The following ANKRD10 variants were observed in gnomAD, a reference collection of about 807,000 sequenced individuals.
The protein encoded by ANKRD10 is ankyrin repeat domain 10.
Under a neutral mutation model 27.0 loss-of-function variants are expected in ANKRD10, and 14 were observed. The observed-to-expected ratio is 0.52, with a 90% CI of 0.34 to 0.81. The LOEUF (loss-of-function observed/expected upper bound fraction) is 0.81. ANKRD10 is among the 40% of genes least tolerant of loss of function. The pLI is 0.01. For missense variants in ANKRD10, 493 were observed against 544.0 expected, an observed-to-expected ratio of 0.91 and a Z score of 0.93; for synonymous variants, 250 against 224.5, an observed-to-expected ratio of 1.11 and a Z score of -1.01.
At chr13:110,910,469 AAAC>A in intron 2 of ANKRD10, 146 bp downstream of exon 2, 2 of 1,088,336 alleles carry the variant, frequency 1.8e-6, no homozygotes, top group South Asian at 3.0e-5. Context: ...TATCCTCCAC[AAAC>A]AACTGAAGAA....
chr13:110,881,476 T>C (rs1443033081), intron 5 of ANKRD10, among the ~76,000 whole-genome samples: 3 of 151,970 alleles, frequency 2.0e-5, no homozygotes, highest in Non-Finnish European at 4.4e-5. Context: ...TTTTTTTTTA[T>C]ATTTAAGCAA....
rs746585551 is a variant in ANKRD10, at chr13:110,880,026, G to A, written c.874C>T (p.Leu292Phe). Residue 292 changes from leucine (L) to phenylalanine (F), a missense_variant, in exon 6 of 6, where the codon CTC (leucine) becomes TTC (phenylalanine). Physicochemically the swap from Leu to Phe is conservative, Grantham distance 22. Coordinates refer to ENST00000267339, the MANE Select transcript of ANKRD10 (RefSeq NM_017664.4). ...GHLDFPSTTP[L>F]SGMESRNGQC... ...CCATTCCTGCTTTCCATCCCACTGA[G>A]CGGGGTCGTGGAGGGGAAGTCCAAA... The A allele has an allele frequency of 2.4e-5, 39 of 1,614,202 alleles. No homozygotes were observed. The highest frequency in any genetic ancestry group is 3.3e-5 in the Non-Finnish European group (39 of 1,180,040).
intron 4 of ANKRD10, among the ~76,000 whole-genome samples, chr13:110,885,791 G>A (rs2064914329): frequency 6.6e-6 from 1 of 152,176 alleles, no homozygotes; most frequent in African/African-American, 2.4e-5. Context: ...ATACAATGCA[G>A]ACAGCTTAAA....
At chr13:110,914,392 T>C in intron 1 of ANKRD10, 1 of 189,834 alleles carries the variant, frequency 5.3e-6, no homozygotes, top group Non-Finnish European at 1.1e-5. Context: ...GCGCGCGCGC[T>C]CGCACAGGAT....
At chr13:110,911,024 A>G (rs552224838) in intron 1 of ANKRD10, among the ~76,000 whole-genome samples, 113 of 152,324 alleles carry the variant, frequency 7.4e-4, no homozygotes, top group Non-Finnish European at 1.2e-3. Flanking sequence ...ACAGATTTAA[A>G]TATTTGTTTC....
intron 3 of ANKRD10, among the ~76,000 whole-genome samples, chr13:110,896,630 A>G (rs1283878797): frequency 6.6e-6 from 1 of 152,240 alleles, no homozygotes; most frequent in Non-Finnish European, 1.5e-5. Flanking sequence ...TCTAAAAAGG[A>G]CTATGTAGTA....
In ANKRD10 at chr13:110,910,775, G is replaced by A. The variant is rs567653926; in HGVS notation, c.211-5C>T. ...CAACTGCACTAAGCACTCCAACTTC[G>A]AAAACAAGAGGGGTAATGAAAACAC... On this transcript the variant is annotated splice_polypyrimidine_tract_variant and splice_region_variant and intron_variant, in intron 1 of 5. Coordinates refer to ENST00000267339, the MANE Select transcript of ANKRD10 (RefSeq NM_017664.4). The A allele has an allele frequency of 9.9e-6, 16 of 1,611,904 alleles. No homozygotes were observed. The South Asian group carries it at 1.7e-4, about 17-fold the overall frequency.
At chr13:110,907,647 C>G (rs1356062358) in intron 2 of ANKRD10, among the ~76,000 whole-genome samples, 1 of 152,132 alleles carries the variant, frequency 6.6e-6, no homozygotes, top group Non-Finnish European at 1.5e-5. Flanking sequence ...AAGTTCTAAA[C>G]AGAAAAATCC....
chr13:110,902,122 A>G (rs776945174), intron 3 of ANKRD10, among the ~76,000 whole-genome samples: 1 of 151,920 alleles, frequency 6.6e-6, no homozygotes, highest in Non-Finnish European at 1.5e-5. Context: ...AGGACCTAAA[A>G]TCAGAAAATA....
chr13:110,910,732 T>A lies in ANKRD10; in HGVS notation c.249A>T (p.Thr83=). ...CGTACCGTGTGGTGGAGACGTTGAGTGTGGCTCCCGCTCTCACCAACTGCA... is the reference window on the plus strand; with the variant it reads ...CGTACCGTGTGGTGGAGACGTTGAGAGTGGCTCCCGCTCTCACCAACTGCA... ...CLVQLVRAGA[T]LNVSTTRYAQ... Residue 83 remains threonine, a synonymous_variant, in exon 2 of 6, where the codon ACA becomes ACT. Coordinates refer to ENST00000267339, the MANE Select transcript of ANKRD10 (RefSeq NM_017664.4). 1 of 1,614,118 alleles carries A rather than the reference T, an allele frequency of 6.2e-7. No homozygotes were observed. Among genetic ancestry groups the A allele is most frequent in the Non-Finnish European group, 8.5e-7 (1 of 1,180,002 alleles).
chr13:110,882,432 A>G (rs912686166), intron 5 of ANKRD10, among the ~76,000 whole-genome samples: 3 of 152,220 alleles, frequency 2.0e-5, no homozygotes, highest in African/African-American at 7.2e-5. Flanking sequence ...AGTGTCATAA[A>G]TCAAATGATG....
At position 110,896,122 on chromosome 13, in the gene ANKRD10, T is replaced by C. The variant is rs183840866; in HGVS notation, c.456-2859A>G. ...TTGGGGCACTAGAAGGCAGACATGA[T>C]GGGGAGGTGAAAAAGTTCTAGAAAT... is the stretch of plus-strand genomic sequence containing the variant. On this transcript the variant is annotated intron_variant, in intron 3 of 5. Coordinates refer to ENST00000267339, the MANE Select transcript of ANKRD10 (RefSeq NM_017664.4). Among the ~76,000 whole-genome samples, 15 of 152,296 alleles carry C rather than the reference T, an allele frequency of 9.8e-5. No individual in the cohort carries two copies. In the East Asian group the frequency reaches 1.9e-3, roughly 20 times the overall value.
Position 110,914,763 on chromosome 13 carries a change from C to T in ANKRD10, c.172G>A (p.Gly58Ser), listed in dbSNP as rs748857847. 1 of 1,598,608 alleles carries T rather than the reference C, an allele frequency of 6.3e-7. No individual in the cohort carries two copies. The highest frequency in any genetic ancestry group is 1.3e-5 in the African/African-American group (1 of 74,602). The change falls in exon 1 of 6, where the codon GGC becomes AGC. Residue 58 changes from glycine (G) to serine (S), a missense_variant. Coordinates refer to ENST00000267339, the MANE Select transcript of ANKRD10 (RefSeq NM_017664.4). ...GCGGCCCAGTGCACGGGCGTCCAGC[C>T]ATAGAAGGAGTCCTCAGAGGCCAGG... ...AHLASEDSFY[G>S]WTPVHWAAHF...
intron 2 of ANKRD10, among the ~76,000 whole-genome samples, chr13:110,908,080 A>AATT (rs140449420): frequency 0.052 from 7,891 of 152,256 alleles, 276 homozygotes; most frequent in Non-Finnish European, 0.074. Context: ...GTAAGACTAA[A>AATT]GAGCCAGGTG....
chr13:110,892,416 C>CAAAAAAAAAAAAAAAAA (rs71127979), intron 4 of ANKRD10, among the ~76,000 whole-genome samples: 387 of 19,536 alleles, frequency 0.02, 91 homozygotes, highest in Non-Finnish European at 0.024. Context: ...GGTGACAGAG[C>CAAAAAAAAAAAAAAAAA]AAAAAAAAAA....
intron 3 of ANKRD10, among the ~76,000 whole-genome samples, chr13:110,899,955 T>C (rs2065339351): frequency 6.6e-6 from 1 of 152,160 alleles, no homozygotes; most frequent in African/African-American, 2.4e-5. Context: ...CTCAACCCTA[T>C]AATCCTGGCG....
At position 110,882,619 on chromosome 13, in the gene ANKRD10, G is replaced by C. The variant is rs2064840901; in HGVS notation, c.787+1079C>G. ...GTCACTTTTAAAAAAAGCAGGATTT[G>C]AGTTTTGTTATGGATCTTTAGCTAA... On this transcript the variant is annotated intron_variant, in intron 5 of 5. Coordinates refer to ENST00000267339, the MANE Select transcript of ANKRD10 (RefSeq NM_017664.4). Among the ~76,000 whole-genome samples, 2 of 152,196 alleles carry C rather than the reference G, an allele frequency of 1.3e-5. 1 individual carries two copies. Among genetic ancestry groups the C allele is most frequent in the South Asian group, 4.1e-4 (2 of 4,832 alleles).
At chr13:110,893,465 G>T (rs2065137687) in intron 3 of ANKRD10, among the ~76,000 whole-genome samples, 1 of 152,182 alleles carries the variant, frequency 6.6e-6, no homozygotes, top group Admixed American at 6.5e-5. Flanking sequence ...AGATTTGGGA[G>T]ATAAACTAAA....
At chr13:110,913,034 A>C (rs2065765891) in intron 1 of ANKRD10, among the ~76,000 whole-genome samples, 1 of 152,290 alleles carries the variant, frequency 6.6e-6, no homozygotes, top group South Asian at 2.1e-4. Flanking sequence ...AAGTGATTTC[A>C]GTCGGTGTTT....
Sources: allele counts gnomAD v4.1 joint callset (sites outside exome capture counted in the v4.1 genomes callset), GRCh38; gene constraint gnomAD v4.1.1; transcripts MANE v1.5; gene names NCBI Gene and HGNC (gene_info 2026-07-23, HGNC 2026-07-21).